FAM20C: variants seen among roughly 807,000 people sequenced by gnomAD.
FAM20C encodes the protein FAM20C golgi associated secretory pathway kinase.
In FAM20C, 40 loss-of-function variants were observed where a neutral mutation model predicts 51.5. The observed-to-expected ratio is 0.78, with a 90% CI of 0.60 to 1.01. FAM20C has a LOEUF of 1.01. Ranked by LOEUF, FAM20C falls within the 50% of genes least tolerant of loss-of-function variation. The pLI is 0.00. For missense variants in FAM20C, 861 were observed against 844.7 expected, an observed-to-expected ratio of 1.02 and a Z score of -0.24; for synonymous variants, 406 against 380.6, an observed-to-expected ratio of 1.07 and a Z score of -0.78.
intron 3 of FAM20C, among the ~76,000 whole-genome samples, chr7:214,794 G>A (rs1562374885): frequency 6.6e-6 from 1 of 152,164 alleles, no homozygotes; most frequent in Non-Finnish European, 1.5e-5. Flanking sequence ...GACGCACCCA[G>A]CAGGCTGTTG....
intron 3 of FAM20C, among the ~76,000 whole-genome samples, chr7:211,974 T>C (rs914259513): frequency 6.6e-6 from 1 of 152,154 alleles, no homozygotes; most frequent in Non-Finnish European, 1.5e-5. Context: ...TGCCCGACCC[T>C]CCTTTGCAAA....
At chr7:220,626 C>G (rs1171864866) in intron 3 of FAM20C, among the ~76,000 whole-genome samples, 1 of 152,178 alleles carries the variant, frequency 6.6e-6, no homozygotes, top group African/African-American at 2.4e-5. Context: ...GGAGCTGAGA[C>G]CTGAATGGCA....
chr7:259,084 G>A (rs867053169), intron 9 of FAM20C, among the ~76,000 whole-genome samples: 2 of 152,316 alleles, frequency 1.3e-5, no homozygotes, highest in African/African-American at 2.4e-5. Flanking sequence ...CCTTTCCCCC[G>A]TTTCATGGCT....
At chr7:197,776 G>A (rs907013613) in intron 2 of FAM20C, among the ~76,000 whole-genome samples, 3 of 152,202 alleles carry the variant, frequency 2.0e-5, no homozygotes, top group Admixed American at 2.0e-4. Context: ...ACACTGAAGA[G>A]GTGTGGGAGT....
intron 3 of FAM20C, among the ~76,000 whole-genome samples, chr7:212,065 C>T (rs1211222278): frequency 6.6e-6 from 1 of 152,206 alleles, no homozygotes; most frequent in Non-Finnish European, 1.5e-5. Context: ...GTGCCCAGGG[C>T]CTGGGGGATG....
intron 2 of FAM20C, among the ~76,000 whole-genome samples, chr7:200,652 A>T (rs1786086185): frequency 6.6e-6 from 1 of 152,238 alleles, no homozygotes; most frequent in African/African-American, 2.4e-5. Flanking sequence ...TAAAAAACAG[A>T]TCTTTCAAAA....
At chr7:220,588 G>A (rs889492837) in intron 3 of FAM20C, among the ~76,000 whole-genome samples, 6 of 152,192 alleles carry the variant, frequency 3.9e-5, no homozygotes, top group Non-Finnish European at 7.3e-5. Context: ...TGTAGGCACC[G>A]CCTGGGGAAG....
At chr7:233,808 C>T (rs1787771286) in intron 3 of FAM20C, among the ~76,000 whole-genome samples, 2 of 152,236 alleles carry the variant, frequency 1.3e-5, no homozygotes, top group Non-Finnish European at 2.9e-5. Context: ...TTCTGCCAGC[C>T]ACGAAAGGCC....
At chr7:228,158 C>G (rs1033541193) in intron 3 of FAM20C, 30 of 316,068 alleles carry the variant, frequency 9.5e-5, no homozygotes, top group African/African-American at 5.6e-4. Flanking sequence ...TAACGAAACA[C>G]CAGGGGGGAA....
chr7:207,037 C>T (rs369123936), intron 2 of FAM20C, among the ~76,000 whole-genome samples: 1 of 33,814 alleles, frequency 3.0e-5, no homozygotes, highest in Non-Finnish European at 5.3e-5. Flanking sequence ...TCCACTGTGA[C>T]GCGTCGGTCA....
chr7:246,394 G>C, intron 3 of FAM20C, 21 bp from the exon 4 acceptor site: 2 of 1,487,514 alleles, frequency 1.3e-6, no homozygotes, highest in Non-Finnish European at 1.8e-6. Context: ...AACCGTTTCT[G>C]TTTCTGTCTT....
At chr7:237,448 G>T (rs1787880191) in intron 3 of FAM20C, among the ~76,000 whole-genome samples, 1 of 152,240 alleles carries the variant, frequency 6.6e-6, no homozygotes, top group Non-Finnish European at 1.5e-5. Flanking sequence ...TGATGACGGT[G>T]ATGACGGTGC....
intron 3 of FAM20C, among the ~76,000 whole-genome samples, chr7:231,874 T>C (rs1787703058): frequency 6.6e-6 from 1 of 152,068 alleles, no homozygotes; most frequent in South Asian, 2.1e-4. Flanking sequence ...CAGTTTCCCA[T>C]CTGTGCCCAG....
chr7:228,071 T>C, intron 3 of FAM20C: 1 of 232,920 alleles, frequency 4.3e-6, no homozygotes, highest in South Asian at 6.7e-5. Flanking sequence ...TCTGAAGCCC[T>C]TTAGCCGCAC....
chr7:195,799 C>A, intron 2 of FAM20C, 67 bp downstream of exon 2: 2 of 1,430,906 alleles, frequency 1.4e-6, no homozygotes, highest in Non-Finnish European at 1.8e-6. Context: ...GCTGCTGGGG[C>A]AGGCTATGTG....
chr7:247,802 A>G (rs150353726), intron 4 of FAM20C, among the ~76,000 whole-genome samples: 3,363 of 152,294 alleles, frequency 0.022, 49 homozygotes, highest in East Asian at 0.09. Context: ...TGCTCCACGC[A>G]GAGGCGTGGT....
Position 243,048 on chromosome 7 carries a change from A to AGGAGACCTGTGCCACCCG in FAM20C, c.864-3349_864-3332dup, listed in dbSNP as rs1562390466. Among the ~76,000 whole-genome samples, 57 of 116,656 alleles carry AGGAGACCTGTGCCACCCG rather than the reference A, an allele frequency of 4.9e-4. 1 individual carries two copies. The highest frequency in any genetic ancestry group is 8.8e-4 in the African/African-American group (28 of 31,800). 76.5% of individuals were successfully genotyped at this position (116,656 alleles called of 152,430 possible). On this transcript the variant is annotated intron_variant, in intron 3 of 9. Transcript: ENST00000313766. ...GCTAACCAGGAGACCTGTGCCACCC[A>AGGAGACCTGTGCCACCCG]GGAGACCTGTGCCACCCGGGAGACC...
chr7:193,077 A>G lies in FAM20C; in HGVS notation c.-123A>G. On this transcript the variant is annotated 5_prime_UTR_variant, in exon 1 of 10. Transcript: ENST00000313766. Reference sequence around the variant, plus strand: ...GGCCCGGGCCCGGGGACAGCCCCGGAGCTGGTAGCCGCCCGGCACCGATGG... The same window carrying G: ...GGCCCGGGCCCGGGGACAGCCCCGGGGCTGGTAGCCGCCCGGCACCGATGG... 1.2e-6 allele frequency: 1 copy of G among 819,160 alleles called. No individual in the cohort carries two copies. Among genetic ancestry groups the G allele is most frequent in the African/African-American group, 1.9e-5 (1 of 53,226 alleles). 50.7% of individuals were successfully genotyped at this position (819,160 alleles called of 1,614,324 possible).
rs143650974 is a variant in FAM20C at position 260,098 on chromosome 7, G to C, written c.*118G>C. ...AGGCAGGACGGGATCATCCGGAGTC[G>C]GGAGCTGCTGCCACAGGAGGCGAGG... On this transcript the variant is annotated 3_prime_UTR_variant, in exon 10 of 10. Transcript: ENST00000313766. The C allele has an allele frequency of 7.5e-7, 1 of 1,333,352 alleles. No homozygotes were observed. The highest frequency in any genetic ancestry group is 9.8e-7 in the Non-Finnish European group (1 of 1,022,066). The allele number at this position is 1,333,352 out of a possible 1,614,324, so 82.6% of individuals were successfully genotyped here.
Sources: allele counts gnomAD v4.1 joint callset (sites outside exome capture counted in the v4.1 genomes callset), GRCh38; gene constraint gnomAD v4.1.1; transcripts MANE v1.5; gene names NCBI Gene and HGNC (gene_info 2026-07-23, HGNC 2026-07-21).